The following CACNA2D3 variants were observed in gnomAD, a reference collection of about 807,000 sequenced individuals.
CACNA2D3 encodes calcium voltage-gated channel auxiliary subunit alpha2delta 3, also known as voltage-dependent calcium channel subunit alpha-2/delta-3.
CACNA2D3 carries 60 observed loss-of-function variants against 160.6 expected under a neutral mutation model. The ratio of observed to expected loss-of-function variants is 0.37; its 90% CI spans 0.30 to 0.46. The LOEUF (loss-of-function observed/expected upper bound fraction) is 0.46. CACNA2D3 is among the 20% of genes least tolerant of loss of function. The pLI is 1.00. For synonymous variants in CACNA2D3, 558 were observed against 492.9 expected, an observed-to-expected ratio of 1.13 and a Z score of -1.75; for missense variants, 1,205 against 1,365.0, an observed-to-expected ratio of 0.88 and a Z score of 1.85.
chr3:54,531,037 G>A (rs942761940), intron 5 of CACNA2D3, among the ~76,000 whole-genome samples: 1 of 152,194 alleles, frequency 6.6e-6, no homozygotes, highest in Non-Finnish European at 1.5e-5. Flanking sequence ...CAGGACACCC[G>A]GAATAAGCCC....
chr3:54,623,198 C>T (rs77915438), intron 9 of CACNA2D3, among the ~76,000 whole-genome samples: 4,213 of 151,612 alleles, frequency 0.028, 181 homozygotes, highest in African/African-American at 0.096. Flanking sequence ...CCTTGTTGTC[C>T]CCATCCTGTC....
chr3:54,780,128 A>T (rs1702504643), intron 13 of CACNA2D3, among the ~76,000 whole-genome samples: 1 of 152,220 alleles, frequency 6.6e-6, no homozygotes, highest in Admixed American at 6.5e-5. Context: ...TAATATAAAG[A>T]ATATTGCTAC....
At chr3:54,925,135 A>T in intron 27 of CACNA2D3, 1 of 1,614,144 alleles carries the variant, frequency 6.2e-7, no homozygotes, top group Non-Finnish European at 8.5e-7. Flanking sequence ...AAATTTGTAG[A>T]TGACTGACAG....
chr3:54,525,477 A>G (rs1172973259), intron 5 of CACNA2D3, among the ~76,000 whole-genome samples: 8 of 152,116 alleles, frequency 5.3e-5, no homozygotes, highest in Non-Finnish European at 1.2e-4. Flanking sequence ...AGCATGCAGA[A>G]CTTCTTTTAG....
At chr3:54,717,906 C>T (rs1701093910) in intron 11 of CACNA2D3, among the ~76,000 whole-genome samples, 1 of 151,730 alleles carries the variant, frequency 6.6e-6, no homozygotes, top group Non-Finnish European at 1.5e-5. Flanking sequence ...TGTTCTGCAT[C>T]TGGGTGTTTT....
chr3:54,883,803 C>CTCTCTCTCTCTCTCTCTCTCTCTCTT (rs1699859395), intron 21 of CACNA2D3, among the ~76,000 whole-genome samples: 1 of 123,284 alleles, frequency 8.1e-6, no homozygotes, highest in Non-Finnish European at 1.7e-5. Context: ...AATGGAATCT[C>CTCTCTCTCTCTCTCTCTCTCTCTCTT]TCTCTCTCTC....
At chr3:55,029,763 G>A (rs2107174736) in intron 35 of CACNA2D3, among the ~76,000 whole-genome samples, 1 of 152,304 alleles carries the variant, frequency 6.6e-6, no homozygotes, top group Non-Finnish European at 1.5e-5. Flanking sequence ...GTACATTAGT[G>A]TCATGAATAA....
intron 35 of CACNA2D3, among the ~76,000 whole-genome samples, chr3:55,024,833 G>C (rs1025578353): frequency 3.3e-5 from 5 of 152,128 alleles, no homozygotes; most frequent in African/African-American, 1.2e-4. Context: ...CACTACTGTA[G>C]AATTCCCTGT....
chr3:54,829,885 C>CTTTTTTTTTTTTTTTTTTTTTTTTTTTT (rs58291013), intron 14 of CACNA2D3, among the ~76,000 whole-genome samples: 1 of 64,310 alleles, frequency 1.6e-5, no homozygotes, highest in African/African-American at 6.3e-5. Flanking sequence ...TCTTCTTCAT[C>CTTTTTTTTTTTTTTTTTTTTTTTTTTTT]TTTTTTTTTT....
At chr3:54,686,373 G>A (rs6808464) in intron 11 of CACNA2D3, among the ~76,000 whole-genome samples, 31,131 of 152,132 alleles carry the variant, frequency 0.2, 3,473 homozygotes, top group South Asian at 0.28. Flanking sequence ...TCATTAAACT[G>A]CAGATGGTTC....
rs948601409 is a variant in CACNA2D3, at chr3:54,518,416, TC to T, written c.544+14768del. The stretch of plus-strand genomic sequence containing the variant: ...GAAAGCAAGAGCAAGCACCTGGGGT[TC>T]CCCCCAGTGTCTGAGAAGTGCCCCT... On this transcript the variant is annotated intron_variant, in intron 5 of 37. Coordinates refer to ENST00000474759, the MANE Select transcript of CACNA2D3 (RefSeq NM_018398.3). Among the ~76,000 whole-genome samples the T allele has an allele frequency of 2.1e-4, 32 of 151,878 alleles. 1 individual carries two copies. Among genetic ancestry groups the T allele is most frequent in the African/African-American group, 7.0e-4 (29 of 41,374 alleles).
intron 11 of CACNA2D3, among the ~76,000 whole-genome samples, chr3:54,644,459 T>TAATC (rs1699593251): frequency 1.3e-5 from 2 of 152,212 alleles, no homozygotes; most frequent in African/African-American, 4.8e-5. Context: ...AAGGTGCAGG[T>TAATC]AATCAACTCG....
chr3:54,358,469 C>T lies in CACNA2D3; in HGVS notation c.322-28246C>T, dbSNP rs150049594. On this transcript the variant is annotated intron_variant, in intron 3 of 37. Transcript: ENST00000474759. Reference sequence around the variant, plus strand: ...AAGTGAGTCACTTTGGCAGGCCACTCGACGTCTCCATGCCCAGGTTTCATC... The same window carrying T: ...AAGTGAGTCACTTTGGCAGGCCACTTGACGTCTCCATGCCCAGGTTTCATC... Among the ~76,000 whole-genome samples the T allele has an allele frequency of 1.6e-4, 24 of 152,282 alleles. No homozygotes were observed. In the South Asian group the frequency reaches 1.9e-3, roughly 12 times the overall value.
chr3:54,707,327 A>G (rs1700875385), intron 11 of CACNA2D3, among the ~76,000 whole-genome samples: 1 of 152,186 alleles, frequency 6.6e-6, no homozygotes, highest in African/African-American at 2.4e-5. Flanking sequence ...CACATGTTAT[A>G]TTTAAGTTTG....
At chr3:55,024,215 GTTCTGC>G (rs781203329) in intron 35 of CACNA2D3, among the ~76,000 whole-genome samples, 5 of 149,794 alleles carry the variant, frequency 3.3e-5, no homozygotes, top group Non-Finnish European at 5.9e-5. Flanking sequence ...ACTCCATGAA[GTTCTGC>G]TTATTCCTGG....
At chr3:54,342,379 T>C (rs1698373595) in intron 3 of CACNA2D3, among the ~76,000 whole-genome samples, 1 of 152,200 alleles carries the variant, frequency 6.6e-6, no homozygotes, top group African/African-American at 2.4e-5. Context: ...TATGAGGCAG[T>C]GGATCTGAGT....
chr3:54,291,062 T>G (rs1703189624), intron 2 of CACNA2D3, among the ~76,000 whole-genome samples: 1 of 152,008 alleles, frequency 6.6e-6, no homozygotes, highest in African/African-American at 2.4e-5. Context: ...TATAATAAAA[T>G]AAAATAAAAA....
chr3:54,970,284 A>G (rs909005751), intron 29 of CACNA2D3, among the ~76,000 whole-genome samples: 10 of 152,308 alleles, frequency 6.6e-5, no homozygotes, highest in African/African-American at 2.4e-4. Context: ...AGCTAATTTC[A>G]TGTAATAAGC....
chr3:54,392,967 G>C (rs921699871), intron 4 of CACNA2D3, among the ~76,000 whole-genome samples: 1 of 152,138 alleles, frequency 6.6e-6, no homozygotes, highest in Non-Finnish European at 1.5e-5. Context: ...CTTGTCCCCC[G>C]CCACCCTGCA....
Sources: gnomAD v4.1 joint callset for allele counts (sites outside exome capture counted in the v4.1 genomes callset) on GRCh38, gnomAD v4.1.1 for gene constraint, MANE v1.5 for transcripts, NCBI Gene and HGNC (gene_info 2026-07-23, HGNC 2026-07-21) for gene names.